The following CADM2 variants were observed in gnomAD, a reference collection of about 807,000 sequenced individuals.
CADM2 encodes the protein cell adhesion molecule 2.
In CADM2, 12 loss-of-function variants were observed where a neutral mutation model predicts 49.8. The observed-to-expected ratio is 0.24, with a 90% CI of 0.15 to 0.39. CADM2 has a LOEUF of 0.39. CADM2 is among the 10% of genes least tolerant of loss of function. CADM2 has a pLI of 1.00. For synonymous variants in CADM2, 214 were observed against 175.4 expected (o/e 1.22, Z -1.74); for missense variants, 378 against 492.3 (o/e 0.77, Z 2.20).
chr3:85,859,866 A>G (rs530068687), intron 3 of CADM2, among the ~76,000 whole-genome samples: 5 of 152,326 alleles, frequency 3.3e-5, no homozygotes, highest in African/African-American at 1.2e-4. Flanking sequence ...ACAAACTTAT[A>G]AATTAATTAA....
At chr3:85,265,798 TTAAAACTTTAAATGGGAAA>T (rs2043109746) in intron 1 of CADM2, among the ~76,000 whole-genome samples, 2 of 152,032 alleles carry the variant, frequency 1.3e-5, no homozygotes, top group South Asian at 4.1e-4. Context: ...GTAGAACACT[TTAAAACTTTAAATGGGAAA>T]AGTAATTCCT....
At chr3:85,993,396 C>T (rs1489723604) in intron 8 of CADM2, 1 of 152,154 alleles carries the variant, frequency 6.6e-6, no homozygotes, top group Non-Finnish European at 1.5e-5. Context: ...GCACTTACTT[C>T]CACCACTGAA....
chr3:85,371,619 C>CAGTG (rs1553714796), intron 1 of CADM2, among the ~76,000 whole-genome samples: 3 of 124,674 alleles, frequency 2.4e-5, no homozygotes, highest in African/African-American at 9.2e-5. Flanking sequence ...CCACACATCA[C>CAGTG]TGTGTGTGTG....
intron 1 of CADM2, among the ~76,000 whole-genome samples, chr3:85,159,465 A>G (rs1412516408): frequency 1.3e-5 from 2 of 152,192 alleles, no homozygotes; most frequent in Non-Finnish European, 2.9e-5. Context: ...TGGAAACTGT[A>G]TAATTTGGTG....
intron 2 of CADM2, among the ~76,000 whole-genome samples, chr3:85,794,585 G>A (rs1577326156): frequency 6.6e-6 from 1 of 152,216 alleles, no homozygotes; most frequent in Non-Finnish European, 1.5e-5. Context: ...CCAACTGAAA[G>A]TTTTGTTTCT....
At chr3:85,450,409 C>T (rs1416589763) in intron 1 of CADM2, among the ~76,000 whole-genome samples, 1 of 151,952 alleles carries the variant, frequency 6.6e-6, no homozygotes, top group African/African-American at 2.4e-5. Flanking sequence ...GTTTCAATCT[C>T]ATTTACAGAA....
At chr3:85,410,777 T>C (rs1382242521) in intron 1 of CADM2, among the ~76,000 whole-genome samples, 1 of 152,120 alleles carries the variant, frequency 6.6e-6, no homozygotes, top group Non-Finnish European at 1.5e-5. Context: ...TTGTAGGTGA[T>C]AGTGAAAGAA....
intron 1 of CADM2, among the ~76,000 whole-genome samples, chr3:85,095,173 G>A (rs781778802): frequency 3.9e-5 from 6 of 152,190 alleles, no homozygotes; most frequent in African/African-American, 7.2e-5. Context: ...TGGAAAGACT[G>A]GAGAGATGGA....
rs751782635 is a variant in CADM2, at chr3:84,968,024, C to T, written c.61+8356C>T. Among the ~76,000 whole-genome samples the T allele has an allele frequency of 1.8e-4, 27 of 152,162 alleles. No homozygotes were observed. In the Middle Eastern group the frequency reaches 0.01, roughly 58 times the overall value. ...GTTGTTACATAATCCCTTTCTAATA[C>T]GAAATCAGTTCTCATACTTAACCCT... is the stretch of plus-strand genomic sequence containing the variant. On this transcript the variant is annotated intron_variant, in intron 1 of 9. Coordinates refer to ENST00000383699, the MANE Select transcript of CADM2 (RefSeq NM_001167675.2).
At chr3:85,972,913 G>A (rs1462071227) in intron 8 of CADM2, among the ~76,000 whole-genome samples, 2 of 151,658 alleles carry the variant, frequency 1.3e-5, no homozygotes, top group East Asian at 3.9e-4. Flanking sequence ...ACACTTTTCT[G>A]TTGTTTTTAA....
intron 1 of CADM2, among the ~76,000 whole-genome samples, chr3:85,659,951 C>A (rs868778498): frequency 2.6e-5 from 4 of 152,240 alleles, no homozygotes; most frequent in Middle Eastern, 3.4e-3. Flanking sequence ...ATTAAAATGT[C>A]TTCTTATGAA....
At chr3:85,635,200 T>C (rs2064431692) in intron 1 of CADM2, among the ~76,000 whole-genome samples, 1 of 152,038 alleles carries the variant, frequency 6.6e-6, no homozygotes, top group East Asian at 1.9e-4. Flanking sequence ...CTCATGAAAA[T>C]GGTAAGGATC....
At chr3:85,173,982 T>A (rs1228769121) in intron 1 of CADM2, among the ~76,000 whole-genome samples, 1 of 152,024 alleles carries the variant, frequency 6.6e-6, no homozygotes, top group Non-Finnish European at 1.5e-5. Flanking sequence ...ACTCAGGAGG[T>A]AATCTATTCT....
chr3:85,349,293 A>G (rs1232010281), intron 1 of CADM2, among the ~76,000 whole-genome samples: 1 of 152,206 alleles, frequency 6.6e-6, no homozygotes, highest in African/African-American at 2.4e-5. Context: ...TTTTGCTTAA[A>G]GTGATATTTC....
At chr3:85,496,716 T>C (rs10433525) in intron 1 of CADM2, among the ~76,000 whole-genome samples, 90,595 of 152,090 alleles carry the variant, frequency 0.6, 28,438 homozygotes, top group East Asian at 0.93. Context: ...TATTTTTTGA[T>C]ATTTTAATAA....
intron 1 of CADM2, among the ~76,000 whole-genome samples, chr3:85,628,018 G>T (rs773420076): frequency 2.6e-4 from 40 of 151,992 alleles, no homozygotes; most frequent in Admixed American, 4.6e-4. Flanking sequence ...TGCTGGAGTT[G>T]TTTGAGTGTT....
intron 1 of CADM2, among the ~76,000 whole-genome samples, chr3:85,701,863 A>AGAT (rs1465531744): frequency 3.6e-4 from 7 of 19,708 alleles, no homozygotes; most frequent in African/African-American, 1.3e-3. Context: ...TGTAAAAGAT[A>AGAT]GATAGATAGA....
chr3:85,001,341 A>G (rs2033453118), intron 1 of CADM2, among the ~76,000 whole-genome samples: 1 of 151,954 alleles, frequency 6.6e-6, no homozygotes, highest in African/African-American at 2.4e-5. Context: ...TTATTGATCT[A>G]TTTTATCTGT....
intron 1 of CADM2, among the ~76,000 whole-genome samples, chr3:85,403,917 G>T (rs2035246054): frequency 6.6e-6 from 1 of 152,010 alleles, no homozygotes; most frequent in Non-Finnish European, 1.5e-5. Context: ...GCCAAATCCT[G>T]TAACTGAATC....
Sources: gnomAD v4.1 joint callset for allele counts (sites outside exome capture counted in the v4.1 genomes callset) on GRCh38, gnomAD v4.1.1 for gene constraint, MANE v1.5 for transcripts, NCBI Gene and HGNC (gene_info 2026-07-23, HGNC 2026-07-21) for gene names.